FNDC1: variants seen among roughly 807,000 people sequenced by gnomAD.
FNDC1 encodes fibronectin type III domain containing 1, also known as fibronectin type III domain-containing protein 1.
In FNDC1, 96 loss-of-function variants were observed where a neutral mutation model predicts 168.0. The ratio of observed to expected loss-of-function variants is 0.57; its 90% CI spans 0.48 to 0.68. The LOEUF is 0.68. Among genes scored for constraint, FNDC1 ranks in the 30% least tolerant of loss-of-function variants. The probability of loss-of-function intolerance (pLI) is 0.00; values close to 1 mark genes in which losing one functional copy is unlikely to be tolerated. For missense variants in FNDC1, 2,587 were observed against 2,482.1 expected, an observed-to-expected ratio of 1.04 and a Z score of -0.90; for synonymous variants, 1,099 against 1,025.9, an observed-to-expected ratio of 1.07 and a Z score of -1.36.
chr6:159,173,966 G>A (rs1033846723), intron 1 of FNDC1, among the ~76,000 whole-genome samples: 6 of 152,174 alleles, frequency 3.9e-5, no homozygotes, highest in East Asian at 1.9e-4. Context: ...CATTTCGGGA[G>A]AGGCTCCATC....
At chr6:159,246,766 T>C (rs1777144625) in intron 14 of FNDC1, 135 bp from the exon 15 acceptor site, 2 of 627,994 alleles carry the variant, frequency 3.2e-6, no homozygotes, top group Admixed American at 5.6e-5. Flanking sequence ...GAAAAAATTA[T>C]GGAGACCCTG....
At chr6:159,266,408 G>A (rs1205030310) in intron 21 of FNDC1, among the ~76,000 whole-genome samples, 163 bp downstream of exon 21, 1 of 152,100 alleles carries the variant, frequency 6.6e-6, no homozygotes, top group Non-Finnish European at 1.5e-5. Context: ...TCTACTTTGA[G>A]GATACTAGTT....
chr6:159,181,504 G>C (rs1371474182), intron 1 of FNDC1, among the ~76,000 whole-genome samples: 1 of 152,230 alleles, frequency 6.6e-6, no homozygotes, highest in Non-Finnish European at 1.5e-5. Context: ...TAGTAATAAA[G>C]AAGTTGGGAT....
chr6:159,191,172 G>T (rs1782130892), intron 1 of FNDC1, among the ~76,000 whole-genome samples: 1 of 152,148 alleles, frequency 6.6e-6, no homozygotes, highest in Non-Finnish European at 1.5e-5. Context: ...TAAACCATTA[G>T]AAACCACTCC....
Position 159,236,115 on chromosome 6 carries a change from T to C in FNDC1, c.3968-100T>C, listed in dbSNP as rs565356519. The C allele has an allele frequency of 9.8e-5, 69 of 705,234 alleles. No homozygotes were observed. The African/African-American group carries it at 1.2e-3, about 12-fold the overall frequency. 43.7% of individuals were successfully genotyped at this position (705,234 alleles called of 1,614,324 possible). The stretch of plus-strand genomic sequence containing the variant: ...TTAAAATTCTGTTTAGAGCTTCTAT[T>C]TGAAATGATGTGTCACTACTAATAG... On this transcript the variant is annotated intron_variant, in intron 11 of 22. Coordinates refer to ENST00000297267, the MANE Select transcript of FNDC1 (RefSeq NM_032532.3).
intron 1 of FNDC1, among the ~76,000 whole-genome samples, chr6:159,179,071 CCT>C (rs1291797837): frequency 6.6e-6 from 1 of 152,246 alleles, no homozygotes; most frequent in East Asian, 1.9e-4. Flanking sequence ...TGGCCTCCGG[CCT>C]CCTGGCTGGT....
chr6:159,229,287 C>G (rs1338091453), intron 9 of FNDC1, among the ~76,000 whole-genome samples: 1 of 152,104 alleles, frequency 6.6e-6, no homozygotes, highest in Non-Finnish European at 1.5e-5. Context: ...TCAGGATATA[C>G]TAAGAACTTT....
In FNDC1 at chr6:159,225,638, G is replaced by GTGTATGAATTTGCAGTCCGTA; in HGVS notation, c.990_1010dup (p.Arg336_Ile337insMetTyrGluPheAlaValArg). 1 of 1,613,990 alleles carries GTGTATGAATTTGCAGTCCGTA rather than the reference G, an allele frequency of 6.2e-7. No homozygotes were observed. The highest frequency in any genetic ancestry group is 8.5e-7 in the Non-Finnish European group (1 of 1,179,892). ...GATTGAGAACCTGATTCCAGACACT[G>GTGTATGAATTTGCAGTCCGTA]TGTATGAATTTGCAGTCCGTATTTC... On this transcript the variant is annotated inframe_insertion, in exon 8 of 23. Transcript: ENST00000297267.
chr6:159,256,181 T>C (rs1054489025), intron 17 of FNDC1, among the ~76,000 whole-genome samples: 11 of 152,186 alleles, frequency 7.2e-5, no homozygotes, highest in African/African-American at 2.7e-4. Flanking sequence ...AATACATGTG[T>C]GGAGGGCACT....
intron 1 of FNDC1, among the ~76,000 whole-genome samples, chr6:159,175,386 G>A (rs1781741104): frequency 6.6e-6 from 1 of 152,106 alleles, no homozygotes; most frequent in Admixed American, 6.5e-5. Context: ...AGTCTTTGCG[G>A]TCCAGATCCC....
intron 1 of FNDC1, among the ~76,000 whole-genome samples, chr6:159,172,893 T>A (rs752361285): frequency 1.5e-4 from 23 of 152,212 alleles, no homozygotes; most frequent in Non-Finnish European, 1.8e-4. Flanking sequence ...ATTGAATGCA[T>A]AAGCAGATCG....
intron 5 of FNDC1, chr6:159,218,615 G>T (rs951623758): frequency 2.6e-5 from 4 of 152,174 alleles, no homozygotes; most frequent in Admixed American, 2.6e-4. Flanking sequence ...CAGAGTGGTC[G>T]CATGTTAAGG....
intron 17 of FNDC1, among the ~76,000 whole-genome samples, chr6:159,254,370 T>C (rs1199389485): frequency 6.6e-6 from 1 of 152,122 alleles, no homozygotes; most frequent in African/African-American, 2.4e-5. Context: ...AAATGAGTCA[T>C]TGATTTATAT....
At chr6:159,178,635 T>C (rs1781816993) in intron 1 of FNDC1, among the ~76,000 whole-genome samples, 1 of 152,144 alleles carries the variant, frequency 6.6e-6, no homozygotes, top group Admixed American at 6.5e-5. Flanking sequence ...AAGAATGTCA[T>C]ATAAATGCCG....
chr6:159,188,369 C>A (rs566564330), intron 1 of FNDC1, among the ~76,000 whole-genome samples: 17 of 128,634 alleles, frequency 1.3e-4, no homozygotes, highest in African/African-American at 3.5e-4. Context: ...CAATTTCTTT[C>A]TTTTTTTTTT....
chr6:159,235,958 T>C (rs1211868544), intron 11 of FNDC1, among the ~76,000 whole-genome samples: 1 of 152,260 alleles, frequency 6.6e-6, no homozygotes, highest in Admixed American at 6.5e-5. Context: ...AATTTACTTA[T>C]GCCACACACT....
At chr6:159,197,159 G>C (rs1782260068) in intron 1 of FNDC1, among the ~76,000 whole-genome samples, 1 of 152,276 alleles carries the variant, frequency 6.6e-6, no homozygotes, top group Non-Finnish European at 1.5e-5. Context: ...AATCAAGCCA[G>C]ACAATGCCTA....
rs1472778329 is a variant in FNDC1, at chr6:159,229,518, C to T, written c.1181-297C>T. Reference sequence around the variant, plus strand: ...AATAAATACAATTTTAGAAACCCAACGGTGTGTAAATTTGGGGGGAATTGT... The same window carrying T: ...AATAAATACAATTTTAGAAACCCAATGGTGTGTAAATTTGGGGGGAATTGT... On this transcript the variant is annotated intron_variant, in intron 9 of 22. Coordinates refer to ENST00000297267, the MANE Select transcript of FNDC1 (RefSeq NM_032532.3). Among the ~76,000 whole-genome samples the T allele has an allele frequency of 2.0e-5, 3 of 152,256 alleles. No homozygotes were observed. In the South Asian group the frequency reaches 6.2e-4, roughly 32 times the overall value.
intron 5 of FNDC1, among the ~76,000 whole-genome samples, chr6:159,217,216 C>T (rs753738223): frequency 1.1e-4 from 16 of 152,154 alleles, no homozygotes; most frequent in Non-Finnish European, 1.9e-4. Flanking sequence ...GGAGAGTTGC[C>T]TAGGAGGAGA....
Sources: gnomAD v4.1 joint callset for allele counts (sites outside exome capture counted in the v4.1 genomes callset) on GRCh38, gnomAD v4.1.1 for gene constraint, MANE v1.5 for transcripts, NCBI Gene and HGNC (gene_info 2026-07-23, HGNC 2026-07-21) for gene names.